PPM1J: variants seen among roughly 807,000 people sequenced by gnomAD.
PPM1J encodes the protein protein phosphatase, Mg2+/Mn2+ dependent 1J, also known as protein phosphatase 1J.
In PPM1J, 43 loss-of-function variants were observed where a neutral mutation model predicts 53.3. The ratio of observed to expected loss-of-function variants is 0.81; its 90% CI spans 0.63 to 1.04. The LOEUF is 1.04. Among genes scored for constraint, PPM1J ranks in the 50% least tolerant of loss-of-function variants. PPM1J has a pLI of 0.00. For synonymous variants in PPM1J, 267 were observed against 286.4 expected (o/e 0.93, Z 0.68); for missense variants, 635 against 685.9 (o/e 0.93, Z 0.83).
rs903865806 is a variant in PPM1J at position 112,715,270 on chromosome 1, T to C, written c.32A>G (p.His11Arg). The change falls in exon 1 of 10, where the codon CAC becomes CGC. Residue 11 changes from histidine (H) to arginine (R), a missense_variant. Transcript: ENST00000309276. This position sits in a 1 kb window ranked among gnomAD's most constrained non-coding sequence, Gnocchi z 4.4. ...CGGAGCGCCCCCGGAGCTCACCAGG[T>C]GCGCCACGGCCGAGCGCACCCGGTT... is the stretch of plus-strand genomic sequence containing the variant. MLNRVRSAVAHLVSSGGAPPP... is the reference protein window; with the variant it reads MLNRVRSAVARLVSSGGAPPP... The C allele has an allele frequency of 7.5e-7, 1 of 1,338,120 alleles. No homozygotes were observed. Among genetic ancestry groups the C allele is most frequent in the Non-Finnish European group, 9.5e-7 (1 of 1,049,944 alleles). The allele number at this position is 1,338,120 out of a possible 1,614,324, so 82.9% of individuals were successfully genotyped here.
Position 112,711,430 on chromosome 1 carries a change from T to C in PPM1J, c.928-46A>G, listed in dbSNP as rs944597197. The C allele has an allele frequency of 4.2e-6, 5 of 1,185,196 alleles. No homozygotes were observed. The East Asian group carries it at 7.3e-5, about 17-fold the overall frequency. The allele number at this position is 1,185,196 out of a possible 1,614,324, so 73.4% of individuals were successfully genotyped here. A position where few individuals can be genotyped will look rare whatever the true frequency, so the allele number is the denominator to read the frequency against. Reference sequence around the variant, plus strand: ...AACAGAGAGCCAGGGGGCATTATGCTCACAGCACACGGTGGCACACAGATG... The same window carrying C: ...AACAGAGAGCCAGGGGGCATTATGCCCACAGCACACGGTGGCACACAGATG... On this transcript the variant is annotated intron_variant, in intron 5 of 9. Coordinates refer to ENST00000309276, the MANE Select transcript of PPM1J (RefSeq NM_005167.7).
rs771962023 is a variant in PPM1J, at chr1:112,711,330, G to A, written c.982C>T (p.Arg328Cys). The A allele has an allele frequency of 1.5e-5, 24 of 1,607,062 alleles. No individual in the cohort carries two copies. Among genetic ancestry groups the A allele is most frequent in the East Asian group, 2.2e-5 (1 of 44,662 alleles). ...GSEFTHLEFP[R>C]RVLPKELGQR... is the part of the protein sequence containing the mutation. ...CCCAGCTCCTTGGGCAGAACTCTGC[G>A]GGGGAACTCAAGGTGGGTGAATTCA... The change falls in exon 6 of 10, where the codon CGC (arginine) becomes TGC (cysteine). Residue 328 changes from arginine (R) to cysteine (C), a missense_variant. Transcript: ENST00000309276.
rs1167139638 is a variant in PPM1J, at chr1:112,711,400, A to C, written c.928-16T>G. ...TCAGGAAGCCCTGGAGTTGGGGATG[A>C]TCAGAACAGAGAGCCAGGGGGCATT... is the stretch of plus-strand genomic sequence containing the variant. On this transcript the variant is annotated splice_polypyrimidine_tract_variant and intron_variant, in intron 5 of 9. Transcript: ENST00000309276. 1.3e-6 allele frequency: 2 copies of C among 1,528,262 alleles called. No individual in the cohort carries two copies. Among genetic ancestry groups the C allele is most frequent in the African/African-American group, 1.4e-5 (1 of 73,514 alleles). The allele number at this position is 1,528,262 out of a possible 1,614,324, so 94.7% of individuals were successfully genotyped here. A position where few individuals can be genotyped will look rare whatever the true frequency, so the allele number is the denominator to read the frequency against.
intron 1 of PPM1J, chr1:112,714,335 G>A: frequency 1.0e-6 from 1 of 985,566 alleles, no homozygotes; most frequent in Non-Finnish European, 1.2e-6. Flanking sequence ...ACACAGCCCG[G>A]GGGCCAGCCG....
chr1:112,713,452 G>C, intron 2 of PPM1J, 45 bp downstream of exon 2: 3 of 1,366,048 alleles, frequency 2.2e-6, no homozygotes, highest in Non-Finnish European at 3.1e-6. Flanking sequence ...CTGAGTCCCT[G>C]GGGAGAGGTG....
At chr1:112,712,562 G>T in intron 3 of PPM1J, 105 bp from the exon 4 acceptor site, 1 of 1,205,708 alleles carries the variant, frequency 8.3e-7, no homozygotes, top group Non-Finnish European at 1.2e-6. Context: ...GCCCAGCCAG[G>T]CTACACTGGA....
At chr1:112,712,582 G>T in intron 3 of PPM1J, 125 bp from the exon 4 acceptor site, 1 of 1,124,032 alleles carries the variant, frequency 8.9e-7, no homozygotes, top group Non-Finnish European at 1.3e-6. Flanking sequence ...AAGACAGGAG[G>T]GAAGACTGGG....
rs1675176916 is a variant in PPM1J at position 112,715,304 on chromosome 1, T to C, written c.-3A>G. On this transcript the variant is annotated 5_prime_UTR_variant, in exon 1 of 10. Transcript: ENST00000309276. This position sits in a 1 kb window ranked among gnomAD's most constrained non-coding sequence, Gnocchi z 4.4. ...GCCGAGCGCACCCGGTTTAGCATGC[T>C]GCCTCCCTGCCCCGCCCTCGGCCGC... The C allele has an allele frequency of 1.6e-6, 2 of 1,279,450 alleles. No individual in the cohort carries two copies. The highest frequency in any genetic ancestry group is 1.6e-5 in the African/African-American group (1 of 64,372). 79.3% of individuals were successfully genotyped at this position (1,279,450 alleles called of 1,614,324 possible). A position where few individuals can be genotyped will look rare whatever the true frequency, so the allele number is the denominator to read the frequency against.
In PPM1J at chr1:112,712,888, G is replaced by T. The variant is rs751218200; in HGVS notation, c.585C>A (p.Pro195=). 1 of 1,614,034 alleles carries T rather than the reference G, an allele frequency of 6.2e-7. No individual in the cohort carries two copies. The highest frequency in any genetic ancestry group is 2.2e-5 in the East Asian group (1 of 44,880). Reference sequence around the variant, plus strand: ...TCCCCGGAGTGGTTGGGAGGCAGAGGGGTGGTGGCGAAGGGTCCTGAAGTA... The same window carrying T: ...TCCCCGGAGTGGTTGGGAGGCAGAGTGGTGGTGGCGAAGGGTCCTGAAGTA... ...VEILQDPSPP[P]LCLPTTPGTP... is the part of the protein sequence containing the mutation. The change falls in exon 3 of 10, where the codon CCC becomes CCA. Residue 195 remains proline, a synonymous_variant. Transcript: ENST00000309276.
At position 112,712,072 on chromosome 1, in the gene PPM1J, A is replaced by G. The variant is rs1219399137; in HGVS notation, c.843-17T>C. ...ATGATGGCCCTGCCCAAAGAAAGAAAAGGAATTGGGACCTGGTTCTCTTCA... is the reference window on the plus strand; with the variant it reads ...ATGATGGCCCTGCCCAAAGAAAGAAGAGGAATTGGGACCTGGTTCTCTTCA... On this transcript the variant is annotated splice_polypyrimidine_tract_variant and intron_variant, in intron 4 of 9. Transcript: ENST00000309276. The G allele has an allele frequency of 3.1e-6, 5 of 1,594,770 alleles. No individual in the cohort carries two copies. The highest frequency in any genetic ancestry group is 4.3e-6 in the Non-Finnish European group (5 of 1,167,006).
chr1:112,710,433 C>CT lies in PPM1J; in HGVS notation c.1370+26dup, dbSNP rs750445800. On this transcript the variant is annotated intron_variant, in intron 9 of 9. Transcript: ENST00000309276. ...ACCCTTCTTTCACCAATGCCATCCCCTTACCACCATGCCATGCAGCCCCTA... is the reference window on the plus strand; with the variant it reads ...ACCCTTCTTTCACCAATGCCATCCCCTTTACCACCATGCCATGCAGCCCCTA... 3.6e-5 allele frequency: 58 copies of CT among 1,613,128 alleles called. No individual in the cohort carries two copies. In the African/African-American group the frequency reaches 3.9e-4, roughly 11 times the overall value.
chr1:112,714,062 A>T, intron 1 of PPM1J: 4 of 1,022,472 alleles, frequency 3.9e-6, no homozygotes, highest in Non-Finnish European at 4.7e-6. Flanking sequence ...ACCCACCCTT[A>T]TCCTAAAACC....
At chr1:112,714,954 G>C (rs775198646) in intron 1 of PPM1J, 22 bp downstream of exon 1, 22 of 1,368,844 alleles carry the variant, frequency 1.6e-5, no homozygotes, top group Non-Finnish European at 2.0e-5. Context: ...ATCCTGGTTT[G>C]GGTGCCCCAG....
intron 1 of PPM1J, chr1:112,714,561 G>T: frequency 1.0e-6 from 1 of 1,002,150 alleles, no homozygotes; most frequent in Non-Finnish European, 1.2e-6. Context: ...GCCGGGAAGC[G>T]GGTGAGCGAG....
At chr1:112,712,078 T>C (rs777139761) in intron 4 of PPM1J, 23 bp from the exon 5 acceptor site, 17 of 1,584,222 alleles carry the variant, frequency 1.1e-5, no homozygotes, top group Middle Eastern at 1.7e-4. Flanking sequence ...AGAAAAGGAA[T>C]TGGGACCTGG....
Position 112,713,513 on chromosome 1 carries a change from T to A in PPM1J, c.425A>T (p.Glu142Val). 6.2e-7 allele frequency: 1 copy of A among 1,613,322 alleles called. No individual in the cohort carries two copies. Residue 142 changes from glutamate to valine, a missense_variant, in exon 2 of 10, where the codon GAG becomes GTG. Coordinates refer to ENST00000309276, the MANE Select transcript of PPM1J (RefSeq NM_005167.7). ...GRRSVTGVPR[E>V]PSRGQGLCFY... The stretch of plus-strand genomic sequence containing the variant: ...GGGTCTTACCTGGCCTCGGCTAGGC[T>A]CCCTAGGTACTCCTGTAACACTCCT...
chr1:112,713,432 A>G (rs1675120970), intron 2 of PPM1J, 65 bp downstream of exon 2: 1 of 1,176,984 alleles, frequency 8.5e-7, no homozygotes, highest in South Asian at 1.2e-5. Flanking sequence ...TCAGATTTAA[A>G]ACCAGAGGCC....
intron 9 of PPM1J, 41 bp from the exon 10 acceptor site, chr1:112,710,351 T>C: frequency 3.1e-6 from 5 of 1,612,950 alleles, no homozygotes; most frequent in Non-Finnish European, 4.2e-6. Context: ...CCAACATGTA[T>C]GTGGGAAGAC....
At chr1:112,714,286 C>T (rs1439019048) in intron 1 of PPM1J, 4 of 985,634 alleles carry the variant, frequency 4.1e-6, no homozygotes, top group Non-Finnish European at 3.6e-6. Flanking sequence ...CCCCATCTCC[C>T]TCGGTGCTCT....
Sources: allele counts gnomAD v4.1 joint callset, GRCh38; gene constraint gnomAD v4.1.1; non-coding constraint Gnocchi (gnomAD v3.1); transcripts MANE v1.5; gene names NCBI Gene and HGNC (gene_info 2026-07-23, HGNC 2026-07-21).